Variants in TMEM44 observed in about 807,000 individuals in gnomAD.
TMEM44 encodes the protein transmembrane protein 44.
TMEM44 carries 43 observed loss-of-function variants against 47.8 expected under a neutral mutation model. The ratio of observed to expected loss-of-function variants is 0.90; its 90% CI spans 0.70 to 1.16. The LOEUF (loss-of-function observed/expected upper bound fraction) is 1.16. TMEM44 is among the 50% of genes most tolerant of loss of function. TMEM44 has a pLI of 0.00. For synonymous variants in TMEM44, 277 were observed against 238.8 expected (o/e 1.16, Z -1.48); for missense variants, 568 against 555.2 (o/e 1.02, Z -0.23).
At chr3:194,598,943 C>T (rs144438271) in intron 9 of TMEM44, among the ~76,000 whole-genome samples, 145 of 152,274 alleles carry the variant, frequency 9.5e-4, no homozygotes, top group African/African-American at 3.1e-3. Context: ...AGGGATCAAA[C>T]GGAAGCCGAG....
intron 9 of TMEM44, among the ~76,000 whole-genome samples, chr3:194,597,649 C>CAAAAAAA (rs532223669): frequency 1.0e-5 from 1 of 99,950 alleles, no homozygotes; most frequent in African/African-American, 3.5e-5. Flanking sequence ...GACTCTGTCT[C>CAAAAAAA]AAAAAAAAAA....
intron 9 of TMEM44, among the ~76,000 whole-genome samples, chr3:194,597,575 G>A (rs149456769): frequency 3.3e-5 from 5 of 151,108 alleles, no homozygotes; most frequent in Admixed American, 6.6e-5. Context: ...CAGGAGAATC[G>A]CTTGGACCTG....
At chr3:194,621,316 A>T (rs1716512879) in intron 5 of TMEM44, among the ~76,000 whole-genome samples, 1 of 152,160 alleles carries the variant, frequency 6.6e-6, no homozygotes, top group African/African-American at 2.4e-5. Flanking sequence ...CCCTGCCGGC[A>T]CCTTGCTCTC....
Position 194,611,153 on chromosome 3 carries a change from A to T in TMEM44, c.913-133T>A. 1.4e-6 allele frequency: 1 copy of T among 698,132 alleles called. No individual in the cohort carries two copies. Among genetic ancestry groups the T allele is most frequent in the Non-Finnish European group, 2.5e-6 (1 of 395,580 alleles). 43.2% of individuals were successfully genotyped at this position (698,132 alleles called of 1,614,324 possible). A position where few individuals can be genotyped will look rare whatever the true frequency, so the allele number is the denominator to read the frequency against. ...TCTCTCTTTTTTAACGGCACGTCTC[A>T]CTTTCTGCTTCCTATAAGATGTGTC... is the stretch of plus-strand genomic sequence containing the variant. On this transcript the variant is annotated intron_variant, in intron 7 of 9. Transcript: ENST00000347147. The surrounding 1 kb of genome is among the most constrained non-coding windows in gnomAD (Gnocchi z 4.2).
At chr3:194,603,350 C>T (rs1288717561) in intron 9 of TMEM44, among the ~76,000 whole-genome samples, 1 of 152,210 alleles carries the variant, frequency 6.6e-6, no homozygotes. Context: ...GTAGCTGGTG[C>T]TCCTCGGGGG....
intron 1 of TMEM44, among the ~76,000 whole-genome samples, chr3:194,630,365 C>A (rs1717664244): frequency 9.0e-6 from 1 of 111,630 alleles, no homozygotes. Context: ...GCTGTCGTAC[C>A]TGCCTCCCGA....
intron 1 of TMEM44, among the ~76,000 whole-genome samples, chr3:194,630,807 G>T (rs1034620363): frequency 6.8e-6 from 1 of 147,642 alleles, no homozygotes; most frequent in Admixed American, 6.8e-5. Context: ...CTCCTGGAGG[G>T]GCTGGCTGTT....
intron 8 of TMEM44, among the ~76,000 whole-genome samples, chr3:194,605,885 G>A (rs1013011534): frequency 1.2e-4 from 18 of 150,516 alleles, no homozygotes; most frequent in African/African-American, 3.5e-4. Flanking sequence ...CAAATCCAGC[G>A]GGGCTTCAGC....
intron 1 of TMEM44, among the ~76,000 whole-genome samples, chr3:194,629,930 C>T (rs1324609494): frequency 7.8e-5 from 3 of 38,576 alleles, no homozygotes; most frequent in African/African-American, 1.1e-4. Context: ...AATACGCTGT[C>T]GTACTGCCTC....
At chr3:194,604,887 T>C (rs1714606465) in intron 8 of TMEM44, among the ~76,000 whole-genome samples, 1 of 152,234 alleles carries the variant, frequency 6.6e-6, no homozygotes, top group South Asian at 2.1e-4. Flanking sequence ...CAATCAATAC[T>C]GACTGCAGTA....
intron 6 of TMEM44, chr3:194,616,374 G>C (rs564298487): frequency 6.0e-6 from 2 of 332,452 alleles, no homozygotes; most frequent in African/African-American, 4.4e-5. Flanking sequence ...TTATTCGGAA[G>C]TAGGGTCCTT....
chr3:194,617,444 C>G (rs1716035635), intron 5 of TMEM44, 175 bp from the exon 6 acceptor site: 1 of 768,226 alleles, frequency 1.3e-6, no homozygotes, highest in Non-Finnish European at 2.0e-6. Flanking sequence ...CTGTCAAACT[C>G]CTACTCATCC....
At chr3:194,605,132 G>C (rs144728365) in intron 8 of TMEM44, among the ~76,000 whole-genome samples, 18 of 146,572 alleles carry the variant, frequency 1.2e-4, no homozygotes, top group African/African-American at 4.2e-4. Flanking sequence ...ATCTATCTAT[G>C]TATCTATCTA....
In TMEM44 at chr3:194,604,318, G is replaced by C. The variant is rs867373262; in HGVS notation, c.1145C>G (p.Ser382Cys). Reference protein sequence around the residue: ...IRARVSSGSSSEVSSINSDLE... With the variant: ...IRARVSSGSSCEVSSINSDLE... Reference sequence around the variant, plus strand: ...GTCGGAGTTGATGGAGGAGACCTCAGAGGAGCTGCCGGAAGACACCCGGGC... The same window carrying C: ...GTCGGAGTTGATGGAGGAGACCTCACAGGAGCTGCCGGAAGACACCCGGGC... Residue 382 changes from serine to cysteine, a missense_variant, in exon 9 of 10, where the codon TCT becomes TGT. Coordinates refer to ENST00000347147, the MANE Select transcript of TMEM44 (RefSeq NM_001011655.3). 5 of 1,580,790 alleles carry C rather than the reference G, an allele frequency of 3.2e-6. No homozygotes were observed. In the South Asian group the frequency reaches 5.8e-5, roughly 18 times the overall value.
At chr3:194,593,956 G>A (rs1713060971) in intron 9 of TMEM44, among the ~76,000 whole-genome samples, 1 of 152,226 alleles carries the variant, frequency 6.6e-6, no homozygotes, top group Non-Finnish European at 1.5e-5. Context: ...GACTACAGGT[G>A]TGTACCACCA....
intron 5 of TMEM44, 38 bp from the exon 6 acceptor site, chr3:194,617,307 G>T: frequency 1.4e-6 from 2 of 1,480,674 alleles, no homozygotes; most frequent in Non-Finnish European, 1.8e-6. Context: ...GGGAGAAGCA[G>T]CAGATCACAA....
At chr3:194,607,988 C>A (rs979220980) in intron 8 of TMEM44, among the ~76,000 whole-genome samples, 4 of 152,146 alleles carry the variant, frequency 2.6e-5, no homozygotes, top group African/African-American at 7.2e-5. Flanking sequence ...GTCTGTTCCC[C>A]AACAAGAATC....
intron 9 of TMEM44, among the ~76,000 whole-genome samples, chr3:194,603,517 C>T (rs1197101941): frequency 6.6e-6 from 1 of 152,134 alleles, no homozygotes; most frequent in Non-Finnish European, 1.5e-5. Flanking sequence ...CATGCCTCAG[C>T]CTCCCAAGTA....
chr3:194,605,701 G>A (rs1050516940), intron 8 of TMEM44, among the ~76,000 whole-genome samples: 1 of 152,184 alleles, frequency 6.6e-6, no homozygotes, highest in African/African-American at 2.4e-5. Context: ...AGATTTGCGT[G>A]GGGACACATC....
Sources: allele counts gnomAD v4.1 joint callset (sites outside exome capture counted in the v4.1 genomes callset), GRCh38; gene constraint gnomAD v4.1.1; non-coding constraint Gnocchi (gnomAD v3.1); transcripts MANE v1.5; gene names NCBI Gene and HGNC (gene_info 2026-07-23, HGNC 2026-07-21).